The following TBX19 variants were observed in gnomAD, a reference collection of about 807,000 sequenced individuals.
TBX19 encodes T-box transcription factor 19, also known as T-box transcription factor TBX19.
TBX19 carries 33 observed loss-of-function variants against 40.9 expected under a neutral mutation model. The observed-to-expected ratio is 0.81, with a 90% confidence interval of 0.61 to 1.08. The LOEUF (loss-of-function observed/expected upper bound fraction) is 1.08, where lower values mean the gene tolerates loss of function less well. Ranked by LOEUF, TBX19 falls within the 50% of genes least tolerant of loss-of-function variation. The pLI is 0.00. For synonymous variants in TBX19, 220 were observed against 225.0 expected (o/e 0.98, Z 0.20); for missense variants, 494 against 574.0 (o/e 0.86, Z 1.42).
intron 3 of TBX19, among the ~76,000 whole-genome samples, chr1:168,295,328 T>C (rs1649078687): frequency 6.6e-6 from 1 of 152,140 alleles, no homozygotes; most frequent in Non-Finnish European, 1.5e-5. Context: ...CTTCCATCTA[T>C]ATTTATTTGG....
At chr1:168,298,081 A>G (rs1244421190) in intron 4 of TBX19, among the ~76,000 whole-genome samples, 1 of 152,172 alleles carries the variant, frequency 6.6e-6, no homozygotes, top group Non-Finnish European at 1.5e-5. Context: ...CTGTAGTCCC[A>G]GCTACTCGGG....
intron 1 of TBX19, among the ~76,000 whole-genome samples, 200 bp from the exon 2 acceptor site, chr1:168,290,960 A>G (rs1187548309): frequency 6.6e-6 from 1 of 152,156 alleles, no homozygotes; most frequent in Non-Finnish European, 1.5e-5. Flanking sequence ...AAAACGGAGC[A>G]TGTTTTAAAG....
chr1:168,308,478 T>C (rs1649454250), intron 6 of TBX19: 1 of 462,336 alleles, frequency 2.2e-6, no homozygotes, highest in Non-Finnish European at 4.0e-6. Context: ...GGGCAAATCA[T>C]TCTACCACCC....
rs1338250268 is a variant in TBX19 at position 168,300,556 on chromosome 1, C to T, written c.727+73C>T. The stretch of plus-strand genomic sequence containing the variant: ...AGCCAGCTCCTTCCACACTCAGACT[C>T]TTTGCCTGTCAGGACTGCTTAAGGA... On this transcript the variant is annotated intron_variant, in intron 5 of 7. Coordinates refer to ENST00000367821, the MANE Select transcript of TBX19 (RefSeq NM_005149.3). 4.3e-6 allele frequency: 6 copies of T among 1,405,050 alleles called. No homozygotes were observed. In the Admixed American group the frequency reaches 7.0e-5, roughly 16 times the overall value. 87.0% of individuals were successfully genotyped at this position (1,405,050 alleles called of 1,614,324 possible).
chr1:168,298,227 A>G (rs1649166520), intron 4 of TBX19, among the ~76,000 whole-genome samples: 1 of 152,182 alleles, frequency 6.6e-6, no homozygotes, highest in African/African-American at 2.4e-5. Context: ...TCAATATTCA[A>G]TTCAATATTC....
At chr1:168,292,248 G>A (rs1266149205) in intron 2 of TBX19, among the ~76,000 whole-genome samples, 1 of 152,176 alleles carries the variant, frequency 6.6e-6, no homozygotes, top group Non-Finnish European at 1.5e-5. Context: ...ACCCGAGTCT[G>A]TGATACTCAG....
rs1210046285 is a variant in TBX19 at position 168,305,176 on chromosome 1, A to G, written c.896A>G (p.His299Arg). ...GCTCCCTACCCTTCTGCGTACATGCACAGAAACCATTCTCCCTCAGGTCTG... is the reference window on the plus strand; with the variant it reads ...GCTCCCTACCCTTCTGCGTACATGCGCAGAAACCATTCTCCCTCAGGTCTG... ...RQAPYPSAYM[H>R]RNHSPSVNLI... The change falls in exon 6 of 8, where the codon CAC becomes CGC. Residue 299 changes from histidine to arginine, a missense_variant. This residue lies in a region of TBX19 where 284 missense variants were observed against 307.3 expected (regional missense o/e 0.92). Transcript: ENST00000367821. 6.2e-7 allele frequency: 1 copy of G among 1,612,648 alleles called. No individual in the cohort carries two copies. The highest frequency in any genetic ancestry group is 2.2e-5 in the East Asian group (1 of 44,878).
rs148222296 is a variant in TBX19, at chr1:168,291,286, C to G, written c.330C>G (p.Pro110=). The change falls in exon 2 of 8, where the codon CCC becomes CCG. Residue 110 remains proline, a synonymous_variant. Transcript: ENST00000367821. ...RWKYVNGEWV[P]AGKPEVSSHS... ...AGTACGTCAACGGGGAATGGGTGCC[C>G]GCTGGCAAGCCAGAGGTCTCCAGCC... 1.2e-6 allele frequency: 2 copies of G among 1,614,114 alleles called. No homozygotes were observed. The highest frequency in any genetic ancestry group is 2.7e-5 in the African/African-American group (2 of 74,936).
chr1:168,306,896 T>C (rs1257772728), intron 6 of TBX19, among the ~76,000 whole-genome samples: 4 of 152,172 alleles, frequency 2.6e-5, no homozygotes, highest in Admixed American at 6.5e-5. Context: ...CAGCTAGATA[T>C]GCCTGGTGGA....
In TBX19 at chr1:168,312,927, G is replaced by A; in HGVS notation, c.1272G>A (p.Val424=). 1 of 1,614,248 alleles carries A rather than the reference G, an allele frequency of 6.2e-7. No individual in the cohort carries two copies. The highest frequency in any genetic ancestry group is 8.5e-7 in the Non-Finnish European group (1 of 1,180,042). The change falls in exon 8 of 8, where the codon GTG becomes GTA. Residue 424 remains valine, a synonymous_variant. Transcript: ENST00000367821. ...TTGCTGTGTCCACCTGGACAGCAGT[G>A]GCCTCGCATCCCTTCGCGGGCTGGG... ...TSIAVSTWTA[V]ASHPFAGWGG... is the part of the protein sequence containing the mutation.
intron 1 of TBX19, among the ~76,000 whole-genome samples, chr1:168,286,304 A>G (rs1162721188): frequency 6.6e-6 from 1 of 152,224 alleles, no homozygotes; most frequent in African/African-American, 2.4e-5. Context: ...AGTGGTTCTC[A>G]GTAATTCGCA....
Position 168,293,254 on chromosome 1 carries a change from C to G in TBX19, c.579C>G (p.Ala193=). Residue 193 remains alanine (A), a synonymous_variant, in exon 3 of 8, where the codon GCC becomes GCG. Coordinates refer to ENST00000367821, the MANE Select transcript of TBX19 (RefSeq NM_005149.3). ...CCTTCCCTGAAACCCAGTTCATAGC[C>G]GTGACTGCCTATCAGAATGAGGAGG... ...NCSFPETQFI[A]VTAYQNEEIT... 4 of 1,604,312 alleles carry G rather than the reference C, an allele frequency of 2.5e-6. No homozygotes were observed. The South Asian group carries it at 3.3e-5, about 13-fold the overall frequency.
At chr1:168,293,974 T>C (rs1004942056) in intron 3 of TBX19, among the ~76,000 whole-genome samples, 13 of 152,154 alleles carry the variant, frequency 8.5e-5, no homozygotes, top group Non-Finnish European at 1.6e-4. Context: ...CAGAAGTATA[T>C]AAAGTAAACA....
rs1372343961 is a variant in TBX19, at chr1:168,313,024, T to C, written c.*22T>C. ...TTAAGCAGGATCCTAGGAGCCTCTT[T>C]GCACAGCGATCCTTCCATGTGTAGA... On this transcript the variant is annotated 3_prime_UTR_variant, in exon 8 of 8. Coordinates refer to ENST00000367821, the MANE Select transcript of TBX19 (RefSeq NM_005149.3). 8 of 1,613,678 alleles carry C rather than the reference T, an allele frequency of 5.0e-6. No homozygotes were observed. The highest frequency in any genetic ancestry group is 6.8e-6 in the Non-Finnish European group (8 of 1,179,844).
intron 6 of TBX19, among the ~76,000 whole-genome samples, chr1:168,306,550 C>G (rs771718734): frequency 7.2e-6 from 1 of 139,636 alleles, no homozygotes; most frequent in Non-Finnish European, 1.5e-5. Flanking sequence ...TGCTTGAATC[C>G]GGGAGGCAGA....
intron 7 of TBX19, among the ~76,000 whole-genome samples, chr1:168,310,784 G>A (rs545529537): frequency 7.0e-6 from 1 of 142,142 alleles, no homozygotes; most frequent in Non-Finnish European, 1.5e-5. Flanking sequence ...TATATAATTT[G>A]TATAAAAATA....
chr1:168,312,682 C>T (rs1417118272), intron 7 of TBX19, 26 bp from the exon 8 acceptor site: 2 of 1,606,396 alleles, frequency 1.2e-6, no homozygotes, highest in South Asian at 2.2e-5. Flanking sequence ...TGAACATTCC[C>T]TTCCCCTCTT....
At chr1:168,285,265 AC>A (rs1648776861) in intron 1 of TBX19, among the ~76,000 whole-genome samples, 15 of 18,672 alleles carry the variant, frequency 8.0e-4, no homozygotes, top group Non-Finnish European at 1.5e-3. Context: ...TGTATGTCAC[AC>A]ACACACACAC....
At chr1:168,289,428 G>A (rs973339802) in intron 1 of TBX19, among the ~76,000 whole-genome samples, 10 of 152,204 alleles carry the variant, frequency 6.6e-5, no homozygotes, top group African/African-American at 2.4e-4. Context: ...CGCCCTAGAG[G>A]AGGTGTATCA....
Sources: gnomAD v4.1 joint callset for allele counts (sites outside exome capture counted in the v4.1 genomes callset) on GRCh38, gnomAD v4.1.1 for gene constraint, gnomAD v4.1.1 regional missense constraint, MANE v1.5 for transcripts, NCBI Gene and HGNC (gene_info 2026-07-23, HGNC 2026-07-21) for gene names.